Variants in CSMD1 observed in about 807,000 individuals in gnomAD.
CSMD1 encodes the protein CUB and Sushi multiple domains 1.
In CSMD1, 213 loss-of-function variants were observed where a neutral mutation model predicts 417.5. The observed-to-expected ratio is 0.51, with a 90% CI of 0.46 to 0.57. The LOEUF is 0.57. Among genes scored for constraint, CSMD1 ranks in the 20% least tolerant of loss-of-function variants. CSMD1 has a pLI of 0.00. For missense variants in CSMD1, 6,923 were observed against 4,529.7 expected (o/e 1.53, Z -15.17); for synonymous variants, 2,862 against 1,736.8 (o/e 1.65, Z -16.11).
At chr8:4,515,283 C>G (rs1027172228) in intron 2 of CSMD1, among the ~76,000 whole-genome samples, 1 of 152,134 alleles carries the variant, frequency 6.6e-6, no homozygotes, top group African/African-American at 2.4e-5. Context: ...AGTCTCTGAT[C>G]TGATGTGGCT....
chr8:4,497,270 C>A (rs1166822044), intron 2 of CSMD1, among the ~76,000 whole-genome samples: 1 of 152,132 alleles, frequency 6.6e-6, no homozygotes, highest in Non-Finnish European at 1.5e-5. Context: ...TGTTGAATAT[C>A]ATTACTTCTT....
chr8:4,644,506 A>C (rs1045429632), intron 1 of CSMD1, among the ~76,000 whole-genome samples: 3 of 152,158 alleles, frequency 2.0e-5, no homozygotes, highest in African/African-American at 7.2e-5. Context: ...TCCCAGGTTC[A>C]AGTGATCCTC....
At chr8:4,419,650 CGT>C (rs1797137117) in intron 3 of CSMD1, among the ~76,000 whole-genome samples, 1 of 152,142 alleles carries the variant, frequency 6.6e-6, no homozygotes, top group Non-Finnish European at 1.5e-5. Context: ...CTCTTTACCA[CGT>C]AAGAGGGCTA....
chr8:3,080,619 G>A (rs374949653), intron 49 of CSMD1, among the ~76,000 whole-genome samples: 1 of 152,302 alleles, frequency 6.6e-6, no homozygotes, highest in East Asian at 1.9e-4. Flanking sequence ...CCTGGGGCCT[G>A]CCACTTTGAA....
intron 3 of CSMD1, among the ~76,000 whole-genome samples, chr8:4,231,900 A>T (rs1700048): frequency 1.3e-5 from 2 of 150,684 alleles, no homozygotes; most frequent in Non-Finnish European, 2.9e-5. Context: ...GTTTTACTAA[A>T]ATTTCTGAAT....
chr8:3,281,329 A>G (rs1220388998), intron 26 of CSMD1, among the ~76,000 whole-genome samples: 1 of 152,084 alleles, frequency 6.6e-6, no homozygotes. Flanking sequence ...TTGTAATCCC[A>G]GCTACTCGGG....
chr8:4,242,461 G>C (rs1229849420), intron 3 of CSMD1, among the ~76,000 whole-genome samples: 2 of 152,164 alleles, frequency 1.3e-5, no homozygotes, highest in African/African-American at 4.8e-5. Flanking sequence ...GACTATTGTT[G>C]TGAGCATAAA....
chr8:3,603,576 AT>A (rs760763199), intron 8 of CSMD1, among the ~76,000 whole-genome samples: 12 of 152,238 alleles, frequency 7.9e-5, no homozygotes, highest in Non-Finnish European at 1.3e-4. Flanking sequence ...GTTTCAAAAA[AT>A]AAAAGACAGT....
At chr8:4,732,365 GTGTGTGTGTGTGTGTGTA>G (rs1056826730) in intron 1 of CSMD1, among the ~76,000 whole-genome samples, 2 of 148,604 alleles carry the variant, frequency 1.3e-5, no homozygotes, top group African/African-American at 2.5e-5. Flanking sequence ...GTGTGTGTGT[GTGTGTGTGTGTGTGTGTA>G]GTGTTTTTCC....
At chr8:4,921,033 A>AAAGG (rs1286649171) in intron 1 of CSMD1, among the ~76,000 whole-genome samples, 1 of 149,066 alleles carries the variant, frequency 6.7e-6, no homozygotes, top group Non-Finnish European at 1.5e-5. Flanking sequence ...AGGAAGAAAG[A>AAAGG]AAGGAAGGAA....
intron 26 of CSMD1, among the ~76,000 whole-genome samples, chr8:3,273,915 G>A (rs201888599): frequency 6.6e-6 from 1 of 151,936 alleles, no homozygotes; most frequent in Non-Finnish European, 1.5e-5. Flanking sequence ...GGTTTTTTGT[G>A]TCTCTATTTC....
chr8:4,810,213 C>CA lies in CSMD1; in HGVS notation c.86-172656dup, dbSNP rs1427748262. 2.6e-5 allele frequency among the ~76,000 whole-genome samples: 4 copies of CA among 152,286 alleles called. No homozygotes were observed. The East Asian group carries it at 7.7e-4, about 29-fold the overall frequency. ...GTATTAACTCACATCCATTCCCTGT[C>CA]ATGTATTAAAAGTAAATGGATGCAG... is the stretch of plus-strand genomic sequence containing the variant. On this transcript the variant is annotated intron_variant, in intron 1 of 69. Transcript: ENST00000635120.
chr8:3,855,108 T>A (rs1804202514), intron 5 of CSMD1, among the ~76,000 whole-genome samples: 1 of 152,196 alleles, frequency 6.6e-6, no homozygotes, highest in African/African-American at 2.4e-5. Context: ...CTCTTGAAGC[T>A]ATGGTTTTAA....
chr8:4,452,063 G>A lies in CSMD1; in HGVS notation c.303-31998C>T, dbSNP rs370046922. Among the ~76,000 whole-genome samples, 59 of 152,038 alleles carry A rather than the reference G, an allele frequency of 3.9e-4. 1 individual carries two copies. The highest frequency in any genetic ancestry group is 2.5e-3 in the South Asian group (12 of 4,820). On this transcript the variant is annotated intron_variant, in intron 2 of 69. Transcript: ENST00000635120. ...GAGGGGTGGAAGAGGAAGATTAGGG[G>A]CCAGAATGATCTCCTCTGCTTTCTT...
chr8:4,439,642 A>G (rs1798349022), intron 2 of CSMD1, among the ~76,000 whole-genome samples: 1 of 152,198 alleles, frequency 6.6e-6, no homozygotes, highest in African/African-American at 2.4e-5. Context: ...CCATAAGGCA[A>G]AATGGAAGTT....
At chr8:4,372,719 G>A (rs1055679895) in intron 3 of CSMD1, among the ~76,000 whole-genome samples, 2 of 148,574 alleles carry the variant, frequency 1.3e-5, no homozygotes, top group Non-Finnish European at 3.0e-5. Flanking sequence ...AGTTCTCACT[G>A]TCCAAACCTA....
chr8:4,225,955 C>T (rs936603458), intron 3 of CSMD1, among the ~76,000 whole-genome samples: 1 of 151,890 alleles, frequency 6.6e-6, no homozygotes, highest in Non-Finnish European at 1.5e-5. Flanking sequence ...ATGTGAATTT[C>T]ATGTTGAGTT....
intron 12 of CSMD1, among the ~76,000 whole-genome samples, chr8:3,414,500 A>T (rs145625343): frequency 6.6e-6 from 1 of 152,192 alleles, no homozygotes; most frequent in Non-Finnish European, 1.5e-5. Context: ...GCCATCATTG[A>T]CGCTCTTGGG....
At chr8:2,964,695 C>T (rs988313064) in intron 59 of CSMD1, among the ~76,000 whole-genome samples, 2 of 152,152 alleles carry the variant, frequency 1.3e-5, no homozygotes, top group Admixed American at 6.5e-5. Flanking sequence ...ATTTATTTAG[C>T]GTCAGCTATA....
Sources: gnomAD v4.1 joint callset for allele counts (sites outside exome capture counted in the v4.1 genomes callset) on GRCh38, gnomAD v4.1.1 for gene constraint, MANE v1.5 for transcripts, NCBI Gene and HGNC (gene_info 2026-07-23, HGNC 2026-07-21) for gene names.